The following ADGRL2 variants were observed in gnomAD, a reference collection of about 807,000 sequenced individuals.
ADGRL2 encodes the protein adhesion G protein-coupled receptor L2.
Under a neutral mutation model 157.4 loss-of-function variants are expected in ADGRL2, and 44 were observed. That is an observed-to-expected ratio of 0.28 (90% CI 0.22 to 0.36). The LOEUF is 0.36. Ranked by LOEUF, ADGRL2 falls within the 10% of genes least tolerant of loss-of-function variation. ADGRL2 has a pLI of 1.00. For synonymous variants in ADGRL2, 585 were observed against 624.7 expected, an observed-to-expected ratio of 0.94 and a Z score of 0.95; for missense variants, 1,510 against 1,768.9, an observed-to-expected ratio of 0.85 and a Z score of 2.63.
intron 2 of ADGRL2, among the ~76,000 whole-genome samples, chr1:81,453,649 G>T (rs1169689933): frequency 6.6e-6 from 1 of 152,144 alleles, no homozygotes; most frequent in East Asian, 1.9e-4. Flanking sequence ...AACTCTGTCT[G>T]TATTAAATAT....
intron 2 of ADGRL2, among the ~76,000 whole-genome samples, chr1:81,483,454 C>T (rs2078433989): frequency 6.6e-6 from 1 of 152,068 alleles, no homozygotes; most frequent in South Asian, 2.1e-4. Flanking sequence ...AAAAAGAGAG[C>T]AGAACAAGGT....
chr1:81,980,361 TCTATTA>T (rs879923350), intron 18 of ADGRL2, among the ~76,000 whole-genome samples: 10 of 151,786 alleles, frequency 6.6e-5, no homozygotes, highest in Non-Finnish European at 1.5e-4. Context: ...GAGAATTTAC[TCTATTA>T]CTATTGTTAA....
intron 1 of ADGRL2, among the ~76,000 whole-genome samples, chr1:81,351,780 C>CT (rs1333485936): frequency 2.6e-5 from 4 of 152,186 alleles, no homozygotes; most frequent in African/African-American, 9.7e-5. Context: ...ACTGTACTTG[C>CT]TTTTTAAGAA....
At chr1:81,880,576 C>T (rs1395049803) in intron 2 of ADGRL2, among the ~76,000 whole-genome samples, 3 of 152,068 alleles carry the variant, frequency 2.0e-5, no homozygotes, top group Non-Finnish European at 4.4e-5. Flanking sequence ...GCCGGGTTCT[C>T]CCTTTACAGT....
intron 11 of ADGRL2, among the ~76,000 whole-genome samples, chr1:81,962,134 A>G (rs889370699): frequency 2.0e-5 from 3 of 152,052 alleles, no homozygotes; most frequent in African/African-American, 7.2e-5. Context: ...ATTGCTCTCT[A>G]CCTTCTTTTA....
At chr1:81,336,197 G>T (rs1054375454) in intron 1 of ADGRL2, among the ~76,000 whole-genome samples, 1 of 151,974 alleles carries the variant, frequency 6.6e-6, no homozygotes, top group African/African-American at 2.4e-5. Flanking sequence ...TCCCTTCTTT[G>T]CCTGCACCAC....
upstream of ADGRL2, chr1:81,800,628 AGCGCC>A (rs1307250234): frequency 6.6e-6 from 1 of 152,178 alleles, no homozygotes; most frequent in East Asian, 2.0e-4. Context: ...TCAGCCTCGG[AGCGCC>A]GCGCTTCGCG....
At chr1:81,989,730 T>C (rs1387710672) in intron 23 of ADGRL2, 4 of 1,608,206 alleles carry the variant, frequency 2.5e-6, no homozygotes, top group African/African-American at 2.7e-5. Context: ...CCACCTGCTG[T>C]CTATCGTGAT....
intron 2 of ADGRL2, among the ~76,000 whole-genome samples, chr1:81,533,939 G>A (rs2079667888): frequency 6.6e-6 from 1 of 152,014 alleles, no homozygotes; most frequent in African/African-American, 2.4e-5. Flanking sequence ...CATAAAGAAG[G>A]AAAGCACCTG....
At chr1:81,985,210 T>G (rs1662806619) in intron 20 of ADGRL2, 49 bp from the exon 21 acceptor site, 2 of 1,109,220 alleles carry the variant, frequency 1.8e-6, no homozygotes, top group Non-Finnish European at 2.7e-6. Context: ...ATAAGGTAAG[T>G]TTGGGGAAAC....
intron 2 of ADGRL2, among the ~76,000 whole-genome samples, chr1:81,845,981 T>TG (rs2092772935): frequency 6.6e-6 from 1 of 152,020 alleles, no homozygotes. Flanking sequence ...AAATATTTAT[T>TG]CATTACATTT....
chr1:81,570,674 C>T (rs963824950), intron 2 of ADGRL2, among the ~76,000 whole-genome samples: 4 of 152,168 alleles, frequency 2.6e-5, no homozygotes, highest in Non-Finnish European at 4.4e-5. Flanking sequence ...CAGACGTGAG[C>T]CACTGTGCCT....
At chr1:81,597,620 C>T (rs1442307742) in intron 3 of ADGRL2, among the ~76,000 whole-genome samples, 1 of 152,012 alleles carries the variant, frequency 6.6e-6, no homozygotes, top group East Asian at 1.9e-4. Context: ...ACTGAGTTAC[C>T]CCAGAAATGT....
At chr1:81,733,001 A>G (rs1232688988) in intron 1 of ADGRL2, among the ~76,000 whole-genome samples, 1 of 152,216 alleles carries the variant, frequency 6.6e-6, no homozygotes, top group African/African-American at 2.4e-5. Context: ...AATATTCACT[A>G]TGATGATCTG....
At chr1:81,543,952 G>A (rs2079952235) in intron 2 of ADGRL2, among the ~76,000 whole-genome samples, 1 of 152,024 alleles carries the variant, frequency 6.6e-6, no homozygotes, top group African/African-American at 2.4e-5. Context: ...TGTCTGCTTG[G>A]CAGAGCCTTC....
intron 3 of ADGRL2, among the ~76,000 whole-genome samples, chr1:81,907,769 T>C (rs1030705904): frequency 2.0e-5 from 3 of 152,166 alleles, no homozygotes; most frequent in Non-Finnish European, 2.9e-5. Flanking sequence ...TAACAGTCCA[T>C]GAACCCACAT....
intron 2 of ADGRL2, among the ~76,000 whole-genome samples, chr1:81,564,023 T>C (rs557897900): frequency 1.6e-4 from 24 of 152,310 alleles, no homozygotes; most frequent in Non-Finnish European, 2.1e-4. Flanking sequence ...AATTTCCTCC[T>C]TATCTTAGAG....
chr1:81,617,720 C>T (rs1482199024), intron 3 of ADGRL2, among the ~76,000 whole-genome samples: 1 of 152,210 alleles, frequency 6.6e-6, no homozygotes, highest in East Asian at 1.9e-4. Flanking sequence ...AGCTTGGATG[C>T]TATGTCAGTG....
At chr1:81,876,837 C>T (rs1381115814) in intron 2 of ADGRL2, among the ~76,000 whole-genome samples, 1 of 152,134 alleles carries the variant, frequency 6.6e-6, no homozygotes, top group Non-Finnish European at 1.5e-5. Context: ...AGCTTTTACA[C>T]AGCTAAATCT....
Sources: gnomAD v4.1 joint callset for allele counts (sites outside exome capture counted in the v4.1 genomes callset) on GRCh38, gnomAD v4.1.1 for gene constraint, MANE v1.5 for transcripts, NCBI Gene and HGNC (gene_info 2026-07-23, HGNC 2026-07-21) for gene names.